Variants in CROCC observed in about 807,000 individuals in gnomAD.
CROCC encodes ciliary rootlet coiled-coil, rootletin.
In CROCC, 180 loss-of-function variants were observed where a neutral mutation model predicts 245.2. The ratio of observed to expected loss-of-function variants is 0.73; its 90% CI spans 0.65 to 0.83. The LOEUF is 0.83. Ranked by LOEUF, CROCC falls within the 40% of genes least tolerant of loss-of-function variation. The probability of loss-of-function intolerance (pLI) is 0.00; values close to 1 mark genes in which losing one functional copy is unlikely to be tolerated. For missense variants in CROCC, 2,688 were observed against 2,779.4 expected (o/e 0.97, Z 0.74); for synonymous variants, 1,205 against 1,241.6 (o/e 0.97, Z 0.62).
At chr1:16,946,154 C>G in intron 15 of CROCC, 105 bp from the exon 16 acceptor site, 4 of 1,310,084 alleles carry the variant, frequency 3.1e-6, no homozygotes, top group African/African-American at 1.4e-5. Flanking sequence ...CCTTGTCTCC[C>G]CTACCCTGTC....
Position 16,956,173 on chromosome 1 carries a change from AC to A in CROCC, c.3864+21del, listed in dbSNP as rs1232056375. 7.9e-6 allele frequency: 12 copies of A among 1,524,502 alleles called. No individual in the cohort carries two copies. Among genetic ancestry groups the A allele is most frequent in the Non-Finnish European group, 1.1e-5 (12 of 1,131,470 alleles). The allele number at this position is 1,524,502 out of a possible 1,614,324, so 94.4% of individuals were successfully genotyped here. A position where few individuals can be genotyped will look rare whatever the true frequency, so the allele number is the denominator to read the frequency against. On this transcript the variant is annotated intron_variant, in intron 25 of 36. Transcript: ENST00000375541. ...CGGCGTCAGGTACTCTCCCTGTGCC[AC>A]CCCTTAGCCTGGGGCTTGCTGTGTG...
Position 16,921,943 on chromosome 1 carries a change from C to CTG in CROCC, c.-73_-72dup. On this transcript the variant is annotated 5_prime_UTR_variant, in exon 1 of 37. Transcript: ENST00000375541. ...CCTGGTGCTCAGCACAGCATCCTGG[C>CTG]TGTGGCGCGTGCTGACTGAGCTAGT... is the stretch of plus-strand genomic sequence containing the variant. 1.4e-6 allele frequency: 2 copies of CTG among 1,412,082 alleles called. No homozygotes were observed. Among genetic ancestry groups the CTG allele is most frequent in the Non-Finnish European group, 2.0e-6 (2 of 1,020,264 alleles). 87.5% of individuals were successfully genotyped at this position (1,412,082 alleles called of 1,614,324 possible).
At chr1:16,958,253 G>A (rs970605330) in intron 25 of CROCC, among the ~76,000 whole-genome samples, 4 of 152,180 alleles carry the variant, frequency 2.6e-5, no homozygotes, top group East Asian at 1.9e-4. Flanking sequence ...AACGTTCATC[G>A]CCATCGTAGA....
chr1:16,918,300 CTTT>C (rs201445636), upstream of CROCC, among the ~76,000 whole-genome samples: 16 of 123,872 alleles, frequency 1.3e-4, no homozygotes, highest in Admixed American at 1.7e-4. Context: ...GGAATTCAGT[CTTT>C]TTTTTTTTTT....
At chr1:16,925,967 C>T (rs78293422) in intron 3 of CROCC, among the ~76,000 whole-genome samples, 5,168 of 151,402 alleles carry the variant, frequency 0.034, 28 homozygotes, top group South Asian at 0.081. Context: ...CCCCCAGGGC[C>T]GCCTCTTAAA....
chr1:16,931,366 C>T lies in CROCC; in HGVS notation c.925C>T (p.Leu309=), dbSNP rs747817726. 1.2e-6 allele frequency: 2 copies of T among 1,612,302 alleles called. No homozygotes were observed. Among genetic ancestry groups the T allele is most frequent in the Admixed American group, 1.7e-5 (1 of 59,974 alleles). Residue 309 remains leucine (L), a synonymous_variant, in exon 8 of 37, where the codon CTG becomes TTG. Transcript: ENST00000375541. ...LWRQVVGFRR[L]VSEVKMFTER... is the part of the protein sequence containing the mutation. ...GAGGCAGGTGGTGGGGTTCCGGCGG[C>T]TGGTCAGCGAGGTGAAGATGTTCAC... is the stretch of plus-strand genomic sequence containing the variant.
intron 12 of CROCC, among the ~76,000 whole-genome samples, chr1:16,939,491 A>G (rs2075872802): frequency 6.6e-6 from 1 of 152,118 alleles, no homozygotes; most frequent in Non-Finnish European, 1.5e-5. Context: ...CCCTGGGAAA[A>G]GGTCTAGCAA....
At chr1:16,968,912 TAGTTAGCCAGCAATGGG>T in intron 31 of CROCC, 187 bp from the exon 32 acceptor site, 1 of 659,788 alleles carries the variant, frequency 1.5e-6, no homozygotes. Context: ...TGGGCACTAG[TAGTTAGCCAGCAATGGG>T]ATGGGGCCCA....
At position 16,958,726 on chromosome 1, in the gene CROCC, C is replaced by T. The variant is rs1317992012; in HGVS notation, c.4008C>T (p.Ala1336=). ...GLRQRLLKGE[A]SLEVMRQELQ... ...GGCAGAGGCTGCTGAAGGGCGAGGC[C>T]AGCCTGGAGGTGATGCGGCAGGAGG... Residue 1336 remains alanine, a synonymous_variant, in exon 26 of 37, where the codon GCC becomes GCT. Transcript: ENST00000375541. The T allele has an allele frequency of 6.4e-7, 1 of 1,562,248 alleles. No individual in the cohort carries two copies. The highest frequency in any genetic ancestry group is 8.7e-7 in the Non-Finnish European group (1 of 1,153,976).
intron 25 of CROCC, 149 bp from the exon 26 acceptor site, chr1:16,958,434 T>G: frequency 1.9e-5 from 17 of 909,508 alleles, no homozygotes; most frequent in Non-Finnish European, 2.8e-5. Flanking sequence ...CCAAGTTCAG[T>G]GTGGTTGTGT....
At chr1:16,933,350 C>G (rs2075720462) in intron 8 of CROCC, among the ~76,000 whole-genome samples, 1 of 152,232 alleles carries the variant, frequency 6.6e-6, no homozygotes, top group Admixed American at 6.5e-5. Flanking sequence ...GCCTGTAATC[C>G]CAGCTACTGG....
rs12091886 is a variant in CROCC, at chr1:16,958,443, G to C, written c.3865-140G>C. 5,439 of 1,035,588 alleles carry C rather than the reference G, an allele frequency of 5.3e-3. 231 individuals carry two copies. In the African/African-American group the frequency reaches 0.08, roughly 15 times the overall value. 64.1% of individuals were successfully genotyped at this position (1,035,588 alleles called of 1,614,324 possible). A position where few individuals can be genotyped will look rare whatever the true frequency, so the allele number is the denominator to read the frequency against. On this transcript the variant is annotated intron_variant, in intron 25 of 36. Transcript: ENST00000375541. ...CATCGCCCAAGTTCAGTGTGGTTGT[G>C]TAGGGGCCGGCTCCCAGTGGATGTG... is the stretch of plus-strand genomic sequence containing the variant.
intron 20 of CROCC, among the ~76,000 whole-genome samples, chr1:16,952,929 C>A (rs2100494723): frequency 6.6e-6 from 1 of 152,364 alleles, no homozygotes; most frequent in South Asian, 2.1e-4. Context: ...TGTCCTGGCC[C>A]CACCCCTGCC....
Position 16,954,734 on chromosome 1 carries a change from A to G in CROCC, c.3322A>G (p.Ser1108Gly). The change falls in exon 23 of 37, where the codon AGC becomes GGC. Residue 1108 changes from serine (S) to glycine (G), a missense_variant and splice_region_variant. Ser to Gly is a moderately conservative substitution (Grantham distance 56). Transcript: ENST00000375541. The surrounding 1 kb of genome is among the most constrained non-coding windows in gnomAD (Gnocchi z 4.4). ...DAQSRQEQDR[S>G]TVNALTSELR... ...AGTCTGAGGAGCCCCTCTGTCCCAG[A>G]GCACCGTGAACGCTCTGACGTCTGA... 1 of 1,551,690 alleles carries G rather than the reference A, an allele frequency of 6.4e-7. No homozygotes were observed. The highest frequency in any genetic ancestry group is 8.7e-7 in the Non-Finnish European group (1 of 1,147,854).
rs1414894443 is a variant in CROCC at position 16,930,153 on chromosome 1, G to A, written c.567G>A (p.Glu189=). Residue 189 remains glutamate, a synonymous_variant, in exon 5 of 37, where the codon GAG becomes GAA. Transcript: ENST00000375541. ...KILQYKKRCS[E]LEQQLLERSG... ...TCCAGTACAAGAAGAGGTGCTCGGA[G>A]CTGGAGCAGCAGCTGCTGGAGAGAT... 4.4e-6 allele frequency: 7 copies of A among 1,594,578 alleles called. No individual in the cohort carries two copies. The highest frequency in any genetic ancestry group is 6.0e-6 in the Non-Finnish European group (7 of 1,171,082).
At chr1:16,921,710 C>T (rs571355812), upstream of CROCC, among the ~76,000 whole-genome samples, 2 of 152,364 alleles carry the variant, frequency 1.3e-5, no homozygotes, top group South Asian at 4.1e-4. Flanking sequence ...GGTGTCTCCC[C>T]TGTTTCCTCC....
chr1:16,943,905 G>T (rs2075988303), intron 13 of CROCC, among the ~76,000 whole-genome samples, 195 bp from the exon 14 acceptor site: 1 of 152,294 alleles, frequency 6.6e-6, no homozygotes, highest in African/African-American at 2.4e-5. Context: ...TGGAGAGAAG[G>T]AAAGCCAGGT....
rs1386985422 is a variant in CROCC at position 16,940,111 on chromosome 1, G to A, written c.1808+18G>A. 5 of 1,584,618 alleles carry A rather than the reference G, an allele frequency of 3.2e-6. No individual in the cohort carries two copies. Among genetic ancestry groups the A allele is most frequent in the Non-Finnish European group, 4.3e-6 (5 of 1,167,846 alleles). ...CTGAGCAGGTGCCGGGGAGGTCTGA[G>A]CTGGGGGGTACTGAAGAATAAGTCA... On this transcript the variant is annotated intron_variant, in intron 13 of 36. Coordinates refer to ENST00000375541, the MANE Select transcript of CROCC (RefSeq NM_014675.5).
In CROCC at chr1:16,954,931, C is replaced by G; in HGVS notation, c.3465+54C>G. On this transcript the variant is annotated intron_variant, in intron 23 of 36. Transcript: ENST00000375541. The surrounding 1 kb of genome is among the most constrained non-coding windows in gnomAD (Gnocchi z 4.4). ...GCATACCCTAAATGGCACTGTGTGC[C>G]TGGGGGCCTAGTTCCCCAGGGCCCC... The G allele has an allele frequency of 6.8e-7, 1 of 1,461,378 alleles. No homozygotes were observed. Among genetic ancestry groups the G allele is most frequent in the Non-Finnish European group, 9.1e-7 (1 of 1,099,854 alleles). The allele number at this position is 1,461,378 out of a possible 1,614,324, so 90.5% of individuals were successfully genotyped here.
Sources: gnomAD v4.1 joint callset for allele counts (sites outside exome capture counted in the v4.1 genomes callset) on GRCh38, gnomAD v4.1.1 for gene constraint, Gnocchi (gnomAD v3.1) non-coding constraint, MANE v1.5 for transcripts, NCBI Gene and HGNC (gene_info 2026-07-23, HGNC 2026-07-21) for gene names.